The following JAKMIP2 variants were observed in gnomAD, a reference collection of about 807,000 sequenced individuals.
The protein encoded by JAKMIP2 is janus kinase and microtubule-interacting protein 2.
Under a neutral mutation model 115.0 loss-of-function variants are expected in JAKMIP2, and 25 were observed. The observed-to-expected ratio is 0.22, with a 90% CI of 0.16 to 0.30. The LOEUF is 0.30. Among genes scored for constraint, JAKMIP2 ranks in the 10% least tolerant of loss-of-function variants. JAKMIP2 has a pLI of 1.00. For synonymous variants in JAKMIP2, 334 were observed against 343.6 expected, an observed-to-expected ratio of 0.97 and a Z score of 0.31; for missense variants, 642 against 957.6, an observed-to-expected ratio of 0.67 and a Z score of 4.35.
At chr5:147,600,968 A>T (rs1342725603) in intron 21 of JAKMIP2, among the ~76,000 whole-genome samples, 2 of 152,140 alleles carry the variant, frequency 1.3e-5, no homozygotes, top group East Asian at 1.9e-4. Context: ...TACTGGGGAA[A>T]AGGGGTGAAA....
intron 1 of JAKMIP2, among the ~76,000 whole-genome samples, chr5:147,741,514 T>G (rs1462137020): frequency 2.0e-5 from 3 of 152,134 alleles, no homozygotes; most frequent in African/African-American, 4.8e-5. Flanking sequence ...GCAAGAAATT[T>G]TGCTTACTTT....
intron 1 of JAKMIP2, among the ~76,000 whole-genome samples, chr5:147,725,608 T>G (rs1256740307): frequency 1.3e-5 from 2 of 152,002 alleles, no homozygotes; most frequent in African/African-American, 2.4e-5. Flanking sequence ...CCTTACCCAG[T>G]TAAATGATGG....
At chr5:147,673,614 A>C (rs1477992373) in intron 1 of JAKMIP2, among the ~76,000 whole-genome samples, 2 of 152,168 alleles carry the variant, frequency 1.3e-5, no homozygotes, top group Non-Finnish European at 2.9e-5. Flanking sequence ...TAGATGCTGG[A>C]GTTGTCCTTC....
intron 1 of JAKMIP2, among the ~76,000 whole-genome samples, chr5:147,738,989 AT>A (rs1754033088): frequency 6.6e-6 from 1 of 152,138 alleles, no homozygotes; most frequent in Non-Finnish European, 1.5e-5. Context: ...AGGATACAAA[AT>A]TTTTGCGGGT....
intron 1 of JAKMIP2, among the ~76,000 whole-genome samples, chr5:147,749,297 A>G (rs1249647526): frequency 6.6e-6 from 1 of 152,186 alleles, no homozygotes; most frequent in Non-Finnish European, 1.5e-5. Context: ...ATAGTACTCA[A>G]CACTACTCAT....
chr5:147,772,350 T>C (rs1755390356), intron 1 of JAKMIP2, among the ~76,000 whole-genome samples: 2 of 152,008 alleles, frequency 1.3e-5, no homozygotes, highest in Admixed American at 1.3e-4. Flanking sequence ...TGCAGGATTA[T>C]TTCCTGTATT....
At chr5:147,622,340 A>G (rs1433147090) in intron 17 of JAKMIP2, among the ~76,000 whole-genome samples, 1 of 152,210 alleles carries the variant, frequency 6.6e-6, no homozygotes, top group Non-Finnish European at 1.5e-5. Context: ...GTATATTCAC[A>G]TTGTTATCAA....
At chr5:147,709,355 T>TA (rs1456129487) in intron 1 of JAKMIP2, among the ~76,000 whole-genome samples, 4 of 152,200 alleles carry the variant, frequency 2.6e-5, no homozygotes, top group African/African-American at 7.2e-5. Context: ...CATCTATACT[T>TA]ACATTCATAC....
intron 16 of JAKMIP2, among the ~76,000 whole-genome samples, chr5:147,627,332 A>G (rs1421220962): frequency 2.0e-5 from 3 of 152,132 alleles, no homozygotes; most frequent in Admixed American, 6.5e-5. Flanking sequence ...GCAGAGGTAG[A>G]AAGGCAAGAT....
intron 2 of JAKMIP2, among the ~76,000 whole-genome samples, chr5:147,662,224 T>G (rs1016818718): frequency 1.3e-5 from 2 of 151,366 alleles, no homozygotes. Context: ...CTGCAGATCA[T>G]TGGGTCCTCT....
rs148262669 is a variant in JAKMIP2, at chr5:147,609,720, C to T, written c.2412+2586G>A. On this transcript the variant is annotated intron_variant, in intron 20 of 21. Transcript: ENST00000616793. ...TGTATTTCCTGAATTTGAATGTTGG[C>T]CTGTCTTGCTAGATTGGGGAAGTTC... 5.9e-3 allele frequency among the ~76,000 whole-genome samples: 904 copies of T among 152,174 alleles called. 15 individuals are homozygous for T. Among genetic ancestry groups the T allele is most frequent in the African/African-American group, 0.021 (870 of 41,518 alleles).
chr5:147,684,063 T>C (rs1439354608), intron 1 of JAKMIP2, among the ~76,000 whole-genome samples: 7 of 152,122 alleles, frequency 4.6e-5, no homozygotes, highest in Non-Finnish European at 5.9e-5. Flanking sequence ...CAGGGGTCAG[T>C]GCTCACCTAC....
intron 1 of JAKMIP2, among the ~76,000 whole-genome samples, chr5:147,707,307 A>C (rs1030245248): frequency 1.3e-5 from 2 of 152,136 alleles, no homozygotes; most frequent in Admixed American, 6.5e-5. Flanking sequence ...TACTTAATTC[A>C]TTTCTATGTA....
chr5:147,705,495 G>C (rs1752526816), intron 1 of JAKMIP2, among the ~76,000 whole-genome samples: 1 of 151,992 alleles, frequency 6.6e-6, no homozygotes, highest in Non-Finnish European at 1.5e-5. Context: ...ATTTGAGCCT[G>C]AGAGGCAGAG....
chr5:147,661,462 G>T lies in JAKMIP2; in HGVS notation c.130-17C>A. The T allele has an allele frequency of 6.3e-7, 1 of 1,598,434 alleles. No individual in the cohort carries two copies. Among genetic ancestry groups the T allele is most frequent in the Non-Finnish European group, 8.5e-7 (1 of 1,172,734 alleles). ...CTTTGATACCTAAAAACAGAGAGGCGAAATGATGAAGAGAAATGAGCCTCA... is the reference window on the plus strand; with the variant it reads ...CTTTGATACCTAAAAACAGAGAGGCTAAATGATGAAGAGAAATGAGCCTCA... On this transcript the variant is annotated splice_polypyrimidine_tract_variant and intron_variant, in intron 2 of 21. Coordinates refer to ENST00000616793, the MANE Select transcript of JAKMIP2 (RefSeq NM_001270941.2).
intron 1 of JAKMIP2, among the ~76,000 whole-genome samples, chr5:147,678,051 C>T (rs1580765930): frequency 6.6e-6 from 1 of 152,184 alleles, no homozygotes; most frequent in African/African-American, 2.4e-5. Flanking sequence ...GTTGCCCAGG[C>T]TGGAGTGCAG....
At chr5:147,682,084 A>G (rs774651688) in intron 1 of JAKMIP2, among the ~76,000 whole-genome samples, 2 of 151,986 alleles carry the variant, frequency 1.3e-5, no homozygotes, top group Non-Finnish European at 2.9e-5. Flanking sequence ...ATATGTAACT[A>G]AGATCTGTAA....
intron 19 of JAKMIP2, among the ~76,000 whole-genome samples, chr5:147,617,414 C>A (rs1356468095): frequency 6.6e-6 from 1 of 152,146 alleles, no homozygotes; most frequent in Non-Finnish European, 1.5e-5. Context: ...TAAGTAGAGT[C>A]CTTAGTTTAG....
intron 2 of JAKMIP2, among the ~76,000 whole-genome samples, chr5:147,666,883 A>C (rs1759324450): frequency 6.6e-6 from 1 of 152,200 alleles, no homozygotes; most frequent in Non-Finnish European, 1.5e-5. Context: ...ATTAATAACT[A>C]TTAATACATG....
Sources: gnomAD v4.1 joint callset for allele counts (sites outside exome capture counted in the v4.1 genomes callset) on GRCh38, gnomAD v4.1.1 for gene constraint, MANE v1.5 for transcripts, NCBI Gene and HGNC (gene_info 2026-07-23, HGNC 2026-07-21) for gene names.